METTL15: variants seen among roughly 807,000 people sequenced by gnomAD.
METTL15 encodes methyltransferase 15, mitochondrial 12S rRNA N4-cytidine, also known as 12S rRNA N(4)-cytidine methyltransferase METTL15.
In METTL15, 34 loss-of-function variants were observed where a neutral mutation model predicts 38.3. That is an observed-to-expected ratio of 0.89 (90% CI 0.68 to 1.18). The LOEUF (loss-of-function observed/expected upper bound fraction) is 1.18, where lower values mean the gene tolerates loss of function less well. Among genes scored for constraint, METTL15 ranks in the 50% most tolerant of loss-of-function variants. METTL15 has a pLI of 0.00. For synonymous variants in METTL15, 162 were observed against 170.9 expected (o/e 0.95, Z 0.41); for missense variants, 438 against 498.4 (o/e 0.88, Z 1.15).
chr11:28,169,489 C>G (rs1850775725), intron 3 of METTL15, among the ~76,000 whole-genome samples: 1 of 152,058 alleles, frequency 6.6e-6, no homozygotes, highest in African/African-American at 2.4e-5. Flanking sequence ...AAATGTTGAT[C>G]TGGATCTATA....
intron 3 of METTL15, among the ~76,000 whole-genome samples, chr11:28,128,113 G>A (rs1590768533): frequency 6.6e-6 from 1 of 152,210 alleles, no homozygotes; most frequent in Admixed American, 6.5e-5. Flanking sequence ...TTTCTTGCAT[G>A]TAAATTTCCA....
chr11:28,370,545 G>C (rs1850232725), intron 5 of METTL15, among the ~76,000 whole-genome samples: 1 of 151,780 alleles, frequency 6.6e-6, no homozygotes, highest in Non-Finnish European at 1.5e-5. Flanking sequence ...TTGATACATT[G>C]ATTTCTTTTC....
intron 3 of METTL15, among the ~76,000 whole-genome samples, chr11:28,205,520 A>G (rs1222529225): frequency 2.0e-5 from 3 of 151,914 alleles, no homozygotes; most frequent in East Asian, 3.9e-4. Context: ...TGGACATTTG[A>G]GTTGGTTCCA....
chr11:28,372,332 A>C (rs1850252649), intron 5 of METTL15, among the ~76,000 whole-genome samples: 1 of 151,852 alleles, frequency 6.6e-6, no homozygotes, highest in South Asian at 2.1e-4. Context: ...ATCTCACTTG[A>C]TCATGGTGAA....
Position 28,266,262 on chromosome 11 carries a change from A to G in METTL15, c.408-23944A>G, listed in dbSNP as rs146059397. Among the ~76,000 whole-genome samples, 189 of 152,332 alleles carry G rather than the reference A, an allele frequency of 1.2e-3. 1 individual carries two copies. Among genetic ancestry groups the G allele is most frequent in the African/African-American group, 4.3e-3 (180 of 41,574 alleles). On this transcript the variant is annotated intron_variant, in intron 4 of 6. Transcript: ENST00000407364. ...CTGCTATAAAGACACATGCACATGT[A>G]TGTTTATTGCGGCGCTATTCACAAT...
At chr11:28,370,538 A>T (rs1439445981) in intron 5 of METTL15, among the ~76,000 whole-genome samples, 1 of 151,734 alleles carries the variant, frequency 6.6e-6, no homozygotes, top group African/African-American at 2.4e-5. Flanking sequence ...TATCTTTTTG[A>T]TACATTGATT....
intron 3 of METTL15, among the ~76,000 whole-genome samples, chr11:28,124,699 C>T (rs1452915799): frequency 1.3e-5 from 2 of 152,066 alleles, no homozygotes; most frequent in African/African-American, 4.8e-5. Context: ...TCTGTCCTTT[C>T]TGTACGTTTT....
intron 6 of METTL15, among the ~76,000 whole-genome samples, chr11:28,440,953 G>C (rs1275184929): frequency 1.3e-5 from 2 of 151,976 alleles, no homozygotes; most frequent in Non-Finnish European, 2.9e-5. Flanking sequence ...ACTGAGATGT[G>C]CTGTTAAGTA....
intron 6 of METTL15, among the ~76,000 whole-genome samples, chr11:28,461,374 A>G (rs191026524): frequency 6.6e-6 from 1 of 152,226 alleles, no homozygotes; most frequent in East Asian, 1.9e-4. Flanking sequence ...ATCATGAGGA[A>G]CCAAACTGTA....
At chr11:28,257,827 G>A (rs1855035275) in intron 4 of METTL15, among the ~76,000 whole-genome samples, 1 of 151,998 alleles carries the variant, frequency 6.6e-6, no homozygotes, top group African/African-American at 2.4e-5. Context: ...CCTCAACATA[G>A]CTATTTTGAA....
At chr11:28,199,792 G>T (rs1172635230) in intron 3 of METTL15, among the ~76,000 whole-genome samples, 2 of 151,600 alleles carry the variant, frequency 1.3e-5, no homozygotes, top group Non-Finnish European at 2.9e-5. Context: ...ACCCAGGCTG[G>T]AGTGCAATGG....
At chr11:28,461,856 T>G (rs1293621082) in intron 6 of METTL15, among the ~76,000 whole-genome samples, 2 of 152,094 alleles carry the variant, frequency 1.3e-5, no homozygotes, top group Admixed American at 6.6e-5. Flanking sequence ...TATTGTTAAG[T>G]AAAATGGAAA....
chr11:28,471,417 A>AT (rs895566687), intron 6 of METTL15, among the ~76,000 whole-genome samples: 16 of 151,922 alleles, frequency 1.1e-4, no homozygotes, highest in Non-Finnish European at 7.4e-5. Flanking sequence ...TCTTTTTTCC[A>AT]TTTTTCTTCT....
At chr11:28,131,120 CA>C (rs1177196458) in intron 3 of METTL15, among the ~76,000 whole-genome samples, 1 of 152,058 alleles carries the variant, frequency 6.6e-6, no homozygotes, top group Non-Finnish European at 1.5e-5. Context: ...AGAATGCCCC[CA>C]TTGAGCATTT....
intron 6 of METTL15, among the ~76,000 whole-genome samples, chr11:28,430,149 C>T (rs1049400582): frequency 3.3e-5 from 5 of 150,988 alleles, no homozygotes; most frequent in East Asian, 4.0e-4. Context: ...AGTGAGGAGC[C>T]CCTCCGCCCG....
intron 3 of METTL15, among the ~76,000 whole-genome samples, chr11:28,186,609 TA>T (rs1452913129): frequency 6.6e-6 from 1 of 151,122 alleles, no homozygotes; most frequent in Non-Finnish European, 1.5e-5. Context: ...AGTACTGTGT[TA>T]TAGGTGAAAA....
chr11:28,504,607 T>A (rs1338246657), intron 6 of METTL15, among the ~76,000 whole-genome samples: 1 of 152,226 alleles, frequency 6.6e-6, no homozygotes, highest in African/African-American at 2.4e-5. Flanking sequence ...AGTCTTCTGA[T>A]AGAGTCTAAC....
intron 4 of METTL15, among the ~76,000 whole-genome samples, chr11:28,278,814 A>G (rs995256542): frequency 1.3e-5 from 2 of 151,984 alleles, no homozygotes; most frequent in African/African-American, 4.8e-5. Flanking sequence ...TCCATGAGAG[A>G]GATTGGCCTT....
chr11:28,518,438 T>C (rs1205502313), intron 6 of METTL15, among the ~76,000 whole-genome samples: 2 of 152,228 alleles, frequency 1.3e-5, no homozygotes, highest in Non-Finnish European at 2.9e-5. Context: ...AATATCTGGA[T>C]TTCTAGCAGC....
Sources: gnomAD v4.1 joint callset for allele counts (sites outside exome capture counted in the v4.1 genomes callset) on GRCh38, gnomAD v4.1.1 for gene constraint, MANE v1.5 for transcripts, NCBI Gene and HGNC (gene_info 2026-07-23, HGNC 2026-07-21) for gene names.